The following MUC12 variants were observed in gnomAD, a reference collection of about 807,000 sequenced individuals.
The protein encoded by MUC12 is mucin-12.
MUC12 carries 172 observed loss-of-function variants against 230.8 expected under a neutral mutation model. That is an observed-to-expected ratio of 0.75 (90% CI 0.66 to 0.85). MUC12 has a LOEUF of 0.85. Ranked by LOEUF, MUC12 falls within the 40% of genes least tolerant of loss-of-function variation. MUC12 has a pLI of 0.00. For missense variants in MUC12, 3,506 were observed against 5,920.6 expected (o/e 0.59, Z 13.38); for synonymous variants, 1,259 against 2,401.9 (o/e 0.52, Z 13.91).
chr7:100,970,689 T>C (rs1792859217), intron 1 of MUC12, among the ~76,000 whole-genome samples: 1 of 151,646 alleles, frequency 6.6e-6, no homozygotes, highest in South Asian at 2.1e-4. Flanking sequence ...CTAGCCAACA[T>C]GGTGAAACCC....
Position 101,005,424 on chromosome 7 carries a change from C to A in MUC12, c.14861C>A (p.Thr4954Lys). The part of the protein sequence containing the change: ...YTTLFPASSS[T>K]SGLTEESTTF... ...ACACTCTTTCCTGCGAGTTCCAGCACATCAGGCCTCACTGAGGAATCTACC... is the reference window on the plus strand; with the variant it reads ...ACACTCTTTCCTGCGAGTTCCAGCAAATCAGGCCTCACTGAGGAATCTACC... The change falls in exon 2 of 12, where the codon ACA (threonine) becomes AAA (lysine). Residue 4954 changes from threonine (T) to lysine (K), a missense_variant. Transcript: ENST00000536621. 1.3e-6 allele frequency: 2 copies of A among 1,537,958 alleles called. No homozygotes were observed. Among genetic ancestry groups the A allele is most frequent in the Non-Finnish European group, 8.7e-7 (1 of 1,147,056 alleles).
In MUC12 at chr7:100,990,864, G is replaced by A. The variant is rs143984295; in HGVS notation, c.301G>A (p.Ala101Thr). ...TGTTLFPSHS[A>T]TSVFVGEPKT... ...AACAACACTCTTCCCTTCCCACTCTGCAACCTCAGTTTTTGTTGGAGAACC... is the reference window on the plus strand; with the variant it reads ...AACAACACTCTTCCCTTCCCACTCTACAACCTCAGTTTTTGTTGGAGAACC... The change falls in exon 2 of 12, where the codon GCA (alanine) becomes ACA (threonine). Residue 101 changes from alanine (A) to threonine (T), a missense_variant. Physicochemically the swap from Ala to Thr is moderately conservative, Grantham distance 58. Coordinates refer to ENST00000536621, the MANE Select transcript of MUC12 (RefSeq NM_001164462.2). The A allele has an allele frequency of 1.7e-3, 2,645 of 1,537,690 alleles. 9 individuals carry two copies. Among genetic ancestry groups the A allele is most frequent in the Non-Finnish European group, 2.1e-3 (2,407 of 1,147,006 alleles).
intron 1 of MUC12, among the ~76,000 whole-genome samples, chr7:100,975,753 T>G (rs951788479): frequency 2.0e-5 from 3 of 152,226 alleles, no homozygotes; most frequent in Non-Finnish European, 4.4e-5. Flanking sequence ...GAAGGAAGTA[T>G]TATATTAACA....
chr7:100,969,843 T>G (rs1166950224), intron 1 of MUC12, among the ~76,000 whole-genome samples, 154 bp downstream of exon 1: 1 of 152,312 alleles, frequency 6.6e-6, no homozygotes, highest in Non-Finnish European at 1.5e-5. Context: ...GACCTCATCT[T>G]GCTTTGGGGG....
At position 100,991,180 on chromosome 7, in the gene MUC12, C is replaced by T. The variant is rs1228329360; in HGVS notation, c.617C>T (p.Thr206Ile). 6.5e-7 allele frequency: 1 copy of T among 1,537,514 alleles called. No individual in the cohort carries two copies. Among genetic ancestry groups the T allele is most frequent in the Non-Finnish European group, 8.7e-7 (1 of 1,146,840 alleles). Reference protein sequence around the residue: ...SHSIPGSTDTTLSPGTTTPSS... With the variant: ...SHSIPGSTDTILSPGTTTPSS... ...AGCATCCCCGGCTCCACAGACACAA[C>T]ACTGTCCCCTGGCACTACCACACCA... Residue 206 changes from threonine (T) to isoleucine (I), a missense_variant, in exon 2 of 12, where the codon ACA becomes ATA. Coordinates refer to ENST00000536621, the MANE Select transcript of MUC12 (RefSeq NM_001164462.2).
rs753968102 is a variant in MUC12, at chr7:100,992,607, C to T, written c.2044C>T (p.Leu682Phe). The T allele has an allele frequency of 1.3e-6, 2 of 1,537,830 alleles. No homozygotes were observed. Among genetic ancestry groups the T allele is most frequent in the South Asian group, 2.4e-5 (2 of 84,062 alleles). ...TTCTGCCCGCTCCACAACCTCAGGC[C>T]TCGTTGAAGAATCTACGACCTACCA... ...HISARSTTSG[L>F]VEESTTYHSS... The change falls in exon 2 of 12, where the codon CTC becomes TTC. Residue 682 changes from leucine (L) to phenylalanine (F), a missense_variant. Coordinates refer to ENST00000536621, the MANE Select transcript of MUC12 (RefSeq NM_001164462.2).
intron 1 of MUC12, among the ~76,000 whole-genome samples, chr7:100,975,082 G>C (rs1793000027): frequency 6.6e-6 from 1 of 152,310 alleles, no homozygotes; most frequent in South Asian, 2.1e-4. Context: ...GAGCTGTCCT[G>C]GTGGCCTGAG....
intron 1 of MUC12, among the ~76,000 whole-genome samples, chr7:100,972,616 C>T (rs1394378149): frequency 6.6e-6 from 1 of 152,008 alleles, no homozygotes; most frequent in Non-Finnish European, 1.5e-5. Flanking sequence ...GATTCTCCTG[C>T]CTCAGCCTTT....
intron 10 of MUC12, chr7:101,017,365 T>G: frequency 1.8e-6 from 1 of 549,050 alleles, no homozygotes; most frequent in Non-Finnish European, 3.2e-6. Context: ...CTCCGCTCCC[T>G]CCTGTTCCGG....
At position 100,991,881 on chromosome 7, in the gene MUC12, T is replaced by C. The variant is rs1793319868; in HGVS notation, c.1318T>C (p.Ser440Pro). The change falls in exon 2 of 12, where the codon TCC (serine) becomes CCC (proline). Residue 440 changes from serine (S) to proline (P), a missense_variant. Coordinates refer to ENST00000536621, the MANE Select transcript of MUC12 (RefSeq NM_001164462.2). ...AGGCCGTAGTGAGGAATCAAAAGCA[T>C]CCCACAGCAGCCCAGATGCAATGGC... ...ISGRSEESKA[S>P]HSSPDAMATT... 6.5e-7 allele frequency: 1 copy of C among 1,537,338 alleles called. No individual in the cohort carries two copies. Among genetic ancestry groups the C allele is most frequent in the South Asian group, 1.2e-5 (1 of 84,034 alleles).
At chr7:101,012,722 G>C (rs3924886) in intron 6 of MUC12, 97 bp from the exon 7 acceptor site, 688,345 of 1,359,380 alleles carry the variant, frequency 0.51, 175,477 homozygotes, top group East Asian at 0.6. Context: ...CATTGGCCCA[G>C]GGGAGGGCAT....
intron 5 of MUC12, 44 bp from the exon 6 acceptor site, chr7:101,012,252 T>G: frequency 2.0e-6 from 3 of 1,531,640 alleles, no homozygotes; most frequent in South Asian, 1.2e-5. Context: ...ACTTGCTGGC[T>G]GGGTGGTGAC....
At chr7:101,014,600 C>T (rs1300576629) in intron 9 of MUC12, among the ~76,000 whole-genome samples, 1 of 152,026 alleles carries the variant, frequency 6.6e-6, no homozygotes, top group Admixed American at 6.6e-5. Context: ...GCCTCAGCCT[C>T]TCGAGTAGCT....
chr7:100,995,635 G>C lies in MUC12; in HGVS notation c.5072G>C (p.Ser1691Thr). Reference sequence around the variant, plus strand: ...CAGGGAGAATCTACCACCTTCCAGAGCTGGCCAAGCTCAAAGGACACTATG... The same window carrying C: ...CAGGGAGAATCTACCACCTTCCAGACCTGGCCAAGCTCAAAGGACACTATG... ...TRQGESTTFQ[S>T]WPSSKDTMPA... The change falls in exon 2 of 12, where the codon AGC becomes ACC. Residue 1691 changes from serine to threonine, a missense_variant. Coordinates refer to ENST00000536621, the MANE Select transcript of MUC12 (RefSeq NM_001164462.2). The C allele has an allele frequency of 1.3e-6, 2 of 1,537,038 alleles. No individual in the cohort carries two copies. The highest frequency in any genetic ancestry group is 1.2e-5 in the South Asian group (1 of 84,056).
In MUC12 at chr7:101,018,655, C is replaced by A; in HGVS notation, c.*19C>A. 6.5e-7 allele frequency: 1 copy of A among 1,534,282 alleles called. No homozygotes were observed. ...TGTGTGAGCCAACGGGGGCCTCCCA[C>A]CCTCATCTAGCTCTGTTCAGGAGAG... On this transcript the variant is annotated 3_prime_UTR_variant, in exon 12 of 12. Transcript: ENST00000536621.
At chr7:101,015,798 T>C in intron 10 of MUC12, 107 bp downstream of exon 10, 1 of 966,186 alleles carries the variant, frequency 1.0e-6, no homozygotes, top group Non-Finnish European at 1.5e-6. Flanking sequence ...CCCTTTGGGG[T>C]GGCTGTGACT....
chr7:101,018,345 AGGACT>A (rs1414840905), intron 11 of MUC12, among the ~76,000 whole-genome samples: 4 of 32,280 alleles, frequency 1.2e-4, no homozygotes, highest in Non-Finnish European at 2.6e-4. Flanking sequence ...TTCTCCCCCT[AGGACT>A]CCCTCCCTTC....
intron 5 of MUC12, among the ~76,000 whole-genome samples, chr7:101,009,617 C>G (rs1419470742): frequency 6.6e-6 from 1 of 152,026 alleles, no homozygotes; most frequent in African/African-American, 2.4e-5. Flanking sequence ...AGGATCACTT[C>G]AGGCCAGGAA....
In MUC12 at chr7:100,994,100, C is replaced by G. The variant is rs1167719017; in HGVS notation, c.3537C>G (p.Thr1179=). 2.9e-6 allele frequency: 3 copies of G among 1,028,182 alleles called. No individual in the cohort carries two copies. The East Asian group carries it at 1.2e-4, about 41-fold the overall frequency. 63.7% of individuals were successfully genotyped at this position (1,028,182 alleles called of 1,614,324 possible). A position where few individuals can be genotyped will look rare whatever the true frequency, so the allele number is the denominator to read the frequency against. The change falls in exon 2 of 12, where the codon ACC becomes ACG. Residue 1179 remains threonine, a synonymous_variant. Transcript: ENST00000536621. ...CAGTGTTCCCTCACAGCACCACAAC[C>G]TCAGTTCATGGTGAAGAGCCTACAA... The part of the protein sequence containing the change: ...ETTVFPHSTT[T]SVHGEEPTTF...
Sources: gnomAD v4.1 joint callset for allele counts (sites outside exome capture counted in the v4.1 genomes callset) on GRCh38, gnomAD v4.1.1 for gene constraint, MANE v1.5 for transcripts, NCBI Gene and HGNC (gene_info 2026-07-23, HGNC 2026-07-21) for gene names.